Variants in RPH3A observed in about 807,000 individuals in gnomAD.
RPH3A encodes the protein rabphilin-3A.
Under a neutral mutation model 102.2 loss-of-function variants are expected in RPH3A, and 48 were observed. The ratio of observed to expected loss-of-function variants is 0.47; its 90% CI spans 0.37 to 0.60. The LOEUF is 0.60. RPH3A is among the 20% of genes least tolerant of loss of function. The pLI is 0.00. For synonymous variants in RPH3A, 310 were observed against 324.3 expected (o/e 0.96, Z 0.47); for missense variants, 781 against 910.1 (o/e 0.86, Z 1.83).
chr12:112,679,782 C>A (rs1258511429), intron 1 of RPH3A, among the ~76,000 whole-genome samples: 1 of 152,122 alleles, frequency 6.6e-6, no homozygotes, highest in Non-Finnish European at 1.5e-5. Context: ...AGGGTGAGGG[C>A]AAAACTCATG....
chr12:112,633,527 C>T (rs1291588249), intron 1 of RPH3A, among the ~76,000 whole-genome samples: 7 of 152,104 alleles, frequency 4.6e-5, no homozygotes, highest in Non-Finnish European at 8.8e-5. Context: ...GCATCCAGCC[C>T]CCTCGTTGTG....
intron 12 of RPH3A, 29 bp from the exon 13 acceptor site, chr12:112,876,613 G>T (rs1342822033): frequency 6.7e-7 from 1 of 1,491,762 alleles, no homozygotes; most frequent in East Asian, 2.4e-5. Context: ...GGATGCAGCT[G>T]CATGTTTCCT....
intron 1 of RPH3A, among the ~76,000 whole-genome samples, chr12:112,670,684 A>G (rs930166762): frequency 6.6e-6 from 1 of 152,070 alleles, no homozygotes. Context: ...GGGCTAGGTG[A>G]TATAGGATGA....
At chr12:112,817,252 G>A (rs754106467) in intron 2 of RPH3A, among the ~76,000 whole-genome samples, 25 of 152,116 alleles carry the variant, frequency 1.6e-4, no homozygotes, top group Non-Finnish European at 2.8e-4. Context: ...TTTTAGCCCT[G>A]TTTCCCCTTC....
At chr12:112,670,723 C>T (rs145153915) in intron 1 of RPH3A, among the ~76,000 whole-genome samples, 1 of 152,266 alleles carries the variant, frequency 6.6e-6, no homozygotes, top group East Asian at 1.9e-4. Flanking sequence ...ATATCTGCTT[C>T]ACGCAGTGTT....
At chr12:112,766,719 T>C (rs1364850723) in intron 1 of RPH3A, among the ~76,000 whole-genome samples, 1 of 152,184 alleles carries the variant, frequency 6.6e-6, no homozygotes, top group East Asian at 1.9e-4. Flanking sequence ...TGTTAGGCTC[T>C]CTGTGTCATC....
At chr12:112,774,311 A>T (rs1219139511) in intron 1 of RPH3A, among the ~76,000 whole-genome samples, 1 of 152,196 alleles carries the variant, frequency 6.6e-6, no homozygotes, top group African/African-American at 2.4e-5. Context: ...ATCAAAGTTA[A>T]GTTTCCAGAT....
chr12:112,879,222 G>A, intron 14 of RPH3A, 24 bp downstream of exon 14: 1 of 1,599,818 alleles, frequency 6.3e-7, no homozygotes, highest in South Asian at 1.1e-5. Context: ...ACCATGCAGG[G>A]AACCTCTCAG....
intron 1 of RPH3A, among the ~76,000 whole-genome samples, chr12:112,592,075 A>G (rs2039482811): frequency 6.6e-6 from 1 of 152,170 alleles, no homozygotes; most frequent in Non-Finnish European, 1.5e-5. Flanking sequence ...CTATGTAAAT[A>G]GTTGTTATAC....
chr12:112,710,711 T>C (rs914150604), intron 1 of RPH3A, among the ~76,000 whole-genome samples: 2 of 152,220 alleles, frequency 1.3e-5, no homozygotes, highest in Non-Finnish European at 2.9e-5. Context: ...CAGGAAGATA[T>C]GTAAAGAAGT....
chr12:112,738,130 G>T (rs554720775), intron 1 of RPH3A, among the ~76,000 whole-genome samples: 2 of 151,844 alleles, frequency 1.3e-5, no homozygotes, highest in East Asian at 3.9e-4. Context: ...TTATCATCAC[G>T]TATCCTTCTT....
chr12:112,846,635 G>T (rs141089554), intron 4 of RPH3A, among the ~76,000 whole-genome samples: 2 of 152,356 alleles, frequency 1.3e-5, no homozygotes, highest in East Asian at 1.9e-4. Context: ...GGCGGCTAAT[G>T]GGGGGCAGGC....
At chr12:112,812,229 G>A (rs115893972) in intron 2 of RPH3A, among the ~76,000 whole-genome samples, 155 of 152,216 alleles carry the variant, frequency 1.0e-3, no homozygotes, top group African/African-American at 3.5e-3. Flanking sequence ...TAAGAATTGA[G>A]GCCAGCCCCA....
chr12:112,662,542 C>G (rs988149385), intron 1 of RPH3A, among the ~76,000 whole-genome samples: 5 of 152,196 alleles, frequency 3.3e-5, no homozygotes, highest in African/African-American at 1.2e-4. Context: ...CTCCCACGGT[C>G]TATGGCAGAG....
chr12:112,747,725 A>T (rs2040758754), intron 1 of RPH3A, among the ~76,000 whole-genome samples: 1 of 152,218 alleles, frequency 6.6e-6, no homozygotes, highest in African/African-American at 2.4e-5. Context: ...GTAATCTCTT[A>T]GTTGTGGCTT....
intron 8 of RPH3A, 113 bp downstream of exon 8, chr12:112,868,708 A>G: frequency 8.3e-7 from 1 of 1,199,674 alleles, no homozygotes. Flanking sequence ...TTGCATGGTC[A>G]GCTTCTGCAC....
At chr12:112,829,469 G>T (rs977898163) in intron 3 of RPH3A, among the ~76,000 whole-genome samples, 1 of 152,018 alleles carries the variant, frequency 6.6e-6, no homozygotes, top group African/African-American at 2.4e-5. Context: ...ATAGGGTCTT[G>T]CTATGTTGAC....
At chr12:112,746,754 G>A (rs1042703706) in intron 1 of RPH3A, among the ~76,000 whole-genome samples, 1 of 152,096 alleles carries the variant, frequency 6.6e-6, no homozygotes, top group African/African-American at 2.4e-5. Context: ...TCTGTCTTGG[G>A]TCTGTCTCCG....
chr12:112,828,537 C>T (rs2041918882), intron 3 of RPH3A, 148 bp downstream of exon 3: 2 of 610,426 alleles, frequency 3.3e-6, no homozygotes, highest in Non-Finnish European at 5.7e-6. Context: ...AACATCTCCC[C>T]TAGTTTGACT....
Sources: gnomAD v4.1 joint callset for allele counts (sites outside exome capture counted in the v4.1 genomes callset) on GRCh38, gnomAD v4.1.1 for gene constraint, MANE v1.5 for transcripts, NCBI Gene and HGNC (gene_info 2026-07-23, HGNC 2026-07-21) for gene names.